The following TMEM132C variants were observed in gnomAD, a reference collection of about 807,000 sequenced individuals.
The protein encoded by TMEM132C is transmembrane protein 132C.
TMEM132C carries 29 observed loss-of-function variants against 61.4 expected under a neutral mutation model. That is an observed-to-expected ratio of 0.47 (90% CI 0.35 to 0.64). The LOEUF is 0.64. Ranked by LOEUF, TMEM132C falls within the 30% of genes least tolerant of loss-of-function variation. TMEM132C has a pLI of 0.00. For missense variants in TMEM132C, 1,408 were observed against 1,476.9 expected, an observed-to-expected ratio of 0.95 and a Z score of 0.76; for synonymous variants, 656 against 633.1, an observed-to-expected ratio of 1.04 and a Z score of -0.54.
chr12:128,512,629 G>A (rs1208086352), intron 2 of TMEM132C, among the ~76,000 whole-genome samples: 1 of 152,196 alleles, frequency 6.6e-6, no homozygotes, highest in Non-Finnish European at 1.5e-5. Context: ...AGAGTTAGCT[G>A]TGGGGTAAAT....
intron 4 of TMEM132C, among the ~76,000 whole-genome samples, chr12:128,657,502 TG>T (rs1027790713): frequency 6.6e-6 from 1 of 152,074 alleles, no homozygotes; most frequent in African/African-American, 2.4e-5. Context: ...GATCCTGCCA[TG>T]GGGTGACACC....
chr12:128,645,031 C>T (rs972229604), intron 4 of TMEM132C, among the ~76,000 whole-genome samples: 1 of 152,156 alleles, frequency 6.6e-6, no homozygotes, highest in African/African-American at 2.4e-5. Flanking sequence ...GTCCTCTGTG[C>T]TGAGAGCTGC....
chr12:128,689,416 G>A (rs1954702488), intron 5 of TMEM132C, among the ~76,000 whole-genome samples: 1 of 152,150 alleles, frequency 6.6e-6, no homozygotes, highest in South Asian at 2.1e-4. Context: ...TGACGTGAAA[G>A]CACCTTGCAG....
At chr12:128,538,125 G>C (rs925628262) in intron 2 of TMEM132C, among the ~76,000 whole-genome samples, 1 of 115,302 alleles carries the variant, frequency 8.7e-6, no homozygotes, top group African/African-American at 2.6e-5. Context: ...GGTGGTAGTA[G>C]TAGTAGTATT....
chr12:128,373,946 G>T (rs1050393228), intron 1 of TMEM132C, among the ~76,000 whole-genome samples: 1 of 152,216 alleles, frequency 6.6e-6, no homozygotes. Flanking sequence ...TCAGTCAGGC[G>T]AGTAGTGGGA....
At chr12:128,651,534 A>G (rs757080338) in intron 4 of TMEM132C, among the ~76,000 whole-genome samples, 1 of 152,246 alleles carries the variant, frequency 6.6e-6, no homozygotes, top group Non-Finnish European at 1.5e-5. Flanking sequence ...CTATATGTTC[A>G]TTAAGCAACT....
intron 2 of TMEM132C, among the ~76,000 whole-genome samples, chr12:128,469,042 T>C (rs1277335618): frequency 6.6e-6 from 1 of 152,148 alleles, no homozygotes; most frequent in Non-Finnish European, 1.5e-5. Flanking sequence ...ACATCCCTCA[T>C]AGCAACCATA....
intron 5 of TMEM132C, among the ~76,000 whole-genome samples, chr12:128,679,824 G>A (rs1459890336): frequency 1.3e-5 from 2 of 152,294 alleles, no homozygotes; most frequent in Non-Finnish European, 2.9e-5. Flanking sequence ...TTCAAATATT[G>A]TAGATGCTAT....
chr12:128,642,011 G>T (rs1270211803), intron 4 of TMEM132C, among the ~76,000 whole-genome samples: 2 of 139,954 alleles, frequency 1.4e-5, no homozygotes, highest in Non-Finnish European at 3.0e-5. Flanking sequence ...GTTTCACCAT[G>T]TTGGTCAGGC....
chr12:128,508,413 C>T (rs183219883), intron 2 of TMEM132C, among the ~76,000 whole-genome samples: 3 of 152,300 alleles, frequency 2.0e-5, no homozygotes, highest in Admixed American at 2.0e-4. Context: ...CAAAGGGCAT[C>T]CACCTGCTCT....
chr12:128,484,666 A>G (rs1871427781), intron 2 of TMEM132C, among the ~76,000 whole-genome samples: 1 of 152,160 alleles, frequency 6.6e-6, no homozygotes, highest in South Asian at 2.1e-4. Context: ...TGAACTAAAG[A>G]AAGACTTTTT....
intron 3 of TMEM132C, among the ~76,000 whole-genome samples, chr12:128,575,440 T>C (rs890015324): frequency 7.9e-5 from 12 of 151,700 alleles, no homozygotes; most frequent in African/African-American, 2.9e-4. Flanking sequence ...GATGGCGCCA[T>C]TGCACTCCAG....
At chr12:128,314,612 C>T (rs958498544) in intron 1 of TMEM132C, among the ~76,000 whole-genome samples, 7 of 152,056 alleles carry the variant, frequency 4.6e-5, no homozygotes, top group Admixed American at 4.6e-4. Context: ...CAGGTGGGCT[C>T]TAAATCCAGT....
chr12:128,468,543 T>G (rs1015193669), intron 2 of TMEM132C, among the ~76,000 whole-genome samples: 2 of 152,024 alleles, frequency 1.3e-5, no homozygotes, highest in Non-Finnish European at 2.9e-5. Flanking sequence ...GGTCTGGAAC[T>G]CCCGACCTCA....
chr12:128,546,104 C>G (rs1873941323), intron 3 of TMEM132C, among the ~76,000 whole-genome samples: 1 of 152,164 alleles, frequency 6.6e-6, no homozygotes, highest in Non-Finnish European at 1.5e-5. Context: ...AGTTCACAAA[C>G]TCAAATGCCA....
chr12:128,672,514 CA>C (rs1179725675), intron 5 of TMEM132C, among the ~76,000 whole-genome samples: 1 of 152,184 alleles, frequency 6.6e-6, no homozygotes, highest in African/African-American at 2.4e-5. Flanking sequence ...GAATTATAAT[CA>C]GTATCTTTAG....
At chr12:128,498,354 C>G (rs141137607) in intron 2 of TMEM132C, among the ~76,000 whole-genome samples, 1 of 149,388 alleles carries the variant, frequency 6.7e-6, no homozygotes, top group Non-Finnish European at 1.5e-5. Flanking sequence ...TCTCTATGTG[C>G]CAATGACGTG....
chr12:128,589,399 C>G (rs1875668954), intron 3 of TMEM132C, among the ~76,000 whole-genome samples: 1 of 152,050 alleles, frequency 6.6e-6, no homozygotes, highest in Admixed American at 6.5e-5. Flanking sequence ...GTCCCTCTCA[C>G]CCCGCCTGCC....
In TMEM132C at chr12:128,414,757, C is replaced by A; in HGVS notation, c.111C>A (p.Asp37Glu). ...GKVIEGHGVTDNIQRFSSLPP... is the reference protein window; with the variant it reads ...GKVIEGHGVTENIQRFSSLPP... ...TGATAGAGGGTCACGGGGTCACAGA[C>A]AACATACAGAGATTCTCCTCACTGC... Residue 37 changes from aspartate to glutamate, a missense_variant, in exon 2 of 9, where the codon GAC becomes GAA. Transcript: ENST00000435159. 5 of 1,536,088 alleles carry A rather than the reference C, an allele frequency of 3.3e-6. No individual in the cohort carries two copies. The highest frequency in any genetic ancestry group is 3.5e-6 in the Non-Finnish European group (4 of 1,145,434).
Sources: gnomAD v4.1 joint callset for allele counts (sites outside exome capture counted in the v4.1 genomes callset) on GRCh38, gnomAD v4.1.1 for gene constraint, MANE v1.5 for transcripts, NCBI Gene and HGNC (gene_info 2026-07-23, HGNC 2026-07-21) for gene names.